Variants in EYS observed in about 807,000 individuals in gnomAD.
The protein encoded by EYS is protein eyes shut homolog.
EYS carries 250 observed loss-of-function variants against 282.1 expected under a neutral mutation model. The ratio of observed to expected loss-of-function variants is 0.89; its 90% confidence interval spans 0.80 to 0.98. EYS has a LOEUF of 0.98. Ranked by LOEUF, EYS falls within the 50% of genes least tolerant of loss-of-function variation. The pLI, the probability that EYS is intolerant of heterozygous loss-of-function variation, is 0.00. For synonymous variants in EYS, 1,355 were observed against 1,282.9 expected (o/e 1.06, Z -1.20); for missense variants, 4,016 against 3,709.0 (o/e 1.08, Z -2.15).
At chr6:63,802,369 A>T (rs1266972415) in intron 37 of EYS, among the ~76,000 whole-genome samples, 1 of 152,078 alleles carries the variant, frequency 6.6e-6, no homozygotes, top group East Asian at 1.9e-4. Flanking sequence ...AACCTAGATG[A>T]CAGATTGATA....
chr6:64,408,448 T>C (rs754354360), intron 28 of EYS, among the ~76,000 whole-genome samples: 1 of 152,130 alleles, frequency 6.6e-6, no homozygotes, highest in African/African-American at 2.4e-5. Flanking sequence ...CGCTGGTACA[T>C]ATATTTCCAC....
chr6:64,718,826 G>A (rs1487309662), intron 22 of EYS, among the ~76,000 whole-genome samples: 1 of 152,182 alleles, frequency 6.6e-6, no homozygotes, highest in Non-Finnish European at 1.5e-5. Context: ...TAGATATTGT[G>A]ATAAGCAGTA....
intron 36 of EYS, among the ~76,000 whole-genome samples, chr6:63,827,349 A>G (rs1376338255): frequency 6.6e-6 from 1 of 152,242 alleles, no homozygotes; most frequent in African/African-American, 2.4e-5. Context: ...CTCCACTGGC[A>G]GCACTAAATA....
At chr6:65,153,359 A>G (rs1272343401) in intron 12 of EYS, among the ~76,000 whole-genome samples, 1 of 125,636 alleles carries the variant, frequency 8.0e-6, no homozygotes, top group Non-Finnish European at 1.6e-5. Flanking sequence ...TTCAGAGATC[A>G]TAAATGTGTG....
Position 63,931,984 on chromosome 6 carries a change from C to CTCTACT in EYS, c.7055+52398_7055+52399insAGTAGA, listed in dbSNP as rs576644083. Among the ~76,000 whole-genome samples, 926 of 152,260 alleles carry CTCTACT rather than the reference C, an allele frequency of 6.1e-3. 12 individuals carry two copies. The highest frequency in any genetic ancestry group is 0.021 in the African/African-American group (887 of 41,556). On this transcript the variant is annotated intron_variant, in intron 35 of 42. Coordinates refer to ENST00000503581, the MANE Select transcript of EYS (RefSeq NM_001142800.2). ...CAATTCTATTCTCTACTTCTATGAG[C>CTCTACT]TCATATTTTTGTAGTTTCCACATAT... is the stretch of plus-strand genomic sequence containing the variant.
At chr6:65,575,208 C>T (rs897476410) in intron 2 of EYS, among the ~76,000 whole-genome samples, 1 of 151,756 alleles carries the variant, frequency 6.6e-6, no homozygotes, top group Non-Finnish European at 1.5e-5. Context: ...ACACTTGTAA[C>T]CCCACCTACT....
intron 31 of EYS, among the ~76,000 whole-genome samples, chr6:64,192,799 A>G (rs1006073135): frequency 3.9e-5 from 6 of 152,326 alleles, no homozygotes; most frequent in African/African-American, 4.8e-5. Flanking sequence ...TGATTTTTAT[A>G]TACGGCATAA....
chr6:64,152,424 C>T (rs893398357), intron 31 of EYS, among the ~76,000 whole-genome samples: 2 of 152,100 alleles, frequency 1.3e-5, no homozygotes, highest in Non-Finnish European at 2.9e-5. Flanking sequence ...GTGGTTGCAT[C>T]TGTCTTGTGT....
chr6:64,883,564 C>G (rs1253005759), intron 19 of EYS, among the ~76,000 whole-genome samples: 1 of 151,228 alleles, frequency 6.6e-6, no homozygotes, highest in Non-Finnish European at 1.5e-5. Flanking sequence ...ATAATCGTGT[C>G]TAGTTAAGAG....
chr6:63,828,526 A>G (rs1165946529), intron 36 of EYS, among the ~76,000 whole-genome samples: 1 of 152,226 alleles, frequency 6.6e-6, no homozygotes, highest in Non-Finnish European at 1.5e-5. Context: ...CATAACCTGA[A>G]GAGAACAATA....
At chr6:64,142,279 AAC>A (rs1774362393) in intron 31 of EYS, among the ~76,000 whole-genome samples, 1 of 152,020 alleles carries the variant, frequency 6.6e-6, no homozygotes, top group African/African-American at 2.4e-5. Context: ...TATATATGGA[AAC>A]ACATATGGCT....
chr6:64,550,738 A>C (rs1765048656), intron 26 of EYS, among the ~76,000 whole-genome samples: 1 of 152,126 alleles, frequency 6.6e-6, no homozygotes, highest in South Asian at 2.1e-4. Context: ...AAATCTCCTT[A>C]AGCTGATAGG....
chr6:64,431,370 G>A lies in EYS; in HGVS notation c.5927+4804C>T, dbSNP rs144170476. 3.7e-3 allele frequency among the ~76,000 whole-genome samples: 566 copies of A among 152,196 alleles called. 5 individuals are homozygous for A. Among genetic ancestry groups the A allele is most frequent in the African/African-American group, 0.013 (545 of 41,528 alleles). ...ATGTGATTACCTCTGTAATGACTCT[G>A]TAGCTAAATAAGCACACATTCTGAG... On this transcript the variant is annotated intron_variant, in intron 28 of 42. Coordinates refer to ENST00000503581, the MANE Select transcript of EYS (RefSeq NM_001142800.2).
intron 12 of EYS, among the ~76,000 whole-genome samples, chr6:65,065,276 C>T (rs1045260250): frequency 6.6e-6 from 1 of 152,126 alleles, no homozygotes; most frequent in Non-Finnish European, 1.5e-5. Flanking sequence ...GAAATACTTA[C>T]TTCCCAGATG....
intron 12 of EYS, among the ~76,000 whole-genome samples, chr6:65,066,540 C>A (rs2150162983): frequency 6.6e-6 from 1 of 152,196 alleles, no homozygotes; most frequent in South Asian, 2.1e-4. Flanking sequence ...TACAACAGAC[C>A]TGTTTCATGA....
At chr6:64,182,800 G>A (rs1288250270) in intron 31 of EYS, among the ~76,000 whole-genome samples, 2 of 152,036 alleles carry the variant, frequency 1.3e-5, no homozygotes, top group Non-Finnish European at 1.5e-5. Context: ...TTTCATACCA[G>A]CTGTGCCACC....
chr6:64,520,176 G>A (rs1777687137), intron 26 of EYS, among the ~76,000 whole-genome samples: 1 of 151,748 alleles, frequency 6.6e-6, no homozygotes, highest in South Asian at 2.1e-4. Flanking sequence ...TGTGGAGGTT[G>A]TCAGCTGGCT....
intron 2 of EYS, among the ~76,000 whole-genome samples, chr6:65,637,052 T>C (rs2046839): frequency 0.35 from 52,865 of 151,890 alleles, 11,522 homozygotes; most frequent in Non-Finnish European, 0.48. Flanking sequence ...GTCCTGGGCT[T>C]AAGCGATCCT....
intron 13 of EYS, among the ~76,000 whole-genome samples, chr6:65,031,500 A>G (rs1772602910): frequency 6.6e-6 from 1 of 152,102 alleles, no homozygotes; most frequent in African/African-American, 2.4e-5. Flanking sequence ...TTGTTAGTAA[A>G]TTCAAAAAAA....
Sources: allele counts gnomAD v4.1 joint callset (sites outside exome capture counted in the v4.1 genomes callset), GRCh38; gene constraint gnomAD v4.1.1; transcripts MANE v1.5; gene names NCBI Gene and HGNC (gene_info 2026-07-23, HGNC 2026-07-21).